SNX25: variants seen among roughly 807,000 people sequenced by gnomAD.
SNX25 encodes the protein sorting nexin-25.
SNX25 carries 62 observed loss-of-function variants against 113.7 expected under a neutral mutation model. That is an observed-to-expected ratio of 0.55 (90% CI 0.44 to 0.67). SNX25 has a LOEUF of 0.67. Among genes scored for constraint, SNX25 ranks in the 30% least tolerant of loss-of-function variants. The probability of loss-of-function intolerance (pLI) is 0.00; values close to 1 mark genes in which losing one functional copy is unlikely to be tolerated. For synonymous variants in SNX25, 421 were observed against 436.2 expected (o/e 0.97, Z 0.43); for missense variants, 1,014 against 1,161.0 (o/e 0.87, Z 1.84).
intron 13 of SNX25, among the ~76,000 whole-genome samples, chr4:185,350,147 A>AC (rs2095308105): frequency 6.6e-6 from 1 of 151,878 alleles, no homozygotes; most frequent in Non-Finnish European, 1.5e-5. Flanking sequence ...TGTTCCGTGG[A>AC]CCCCTTGTCC....
At chr4:185,275,117 A>G (rs1175648934) in intron 5 of SNX25, among the ~76,000 whole-genome samples, 4 of 152,234 alleles carry the variant, frequency 2.6e-5, no homozygotes, top group Admixed American at 1.3e-4. Context: ...ATAGACTGCC[A>G]GAGAGGCAGG....
At chr4:185,263,534 C>T (rs757281856) in intron 3 of SNX25, among the ~76,000 whole-genome samples, 3 of 152,068 alleles carry the variant, frequency 2.0e-5, no homozygotes, top group Non-Finnish European at 2.9e-5. Context: ...TCTTTTCTAG[C>T]GTTATACACT....
Position 185,209,783 on chromosome 4 carries a change from G to C in SNX25, c.-44G>C, listed in dbSNP as rs1313316202. Reference sequence around the variant, plus strand: ...GCCTCCGGAGCGCCGGCGGGGGACCGGGGGGCAGGAGATGTGCCTGTCCTT... The same window carrying C: ...GCCTCCGGAGCGCCGGCGGGGGACCCGGGGGCAGGAGATGTGCCTGTCCTT... On this transcript the variant is annotated 5_prime_UTR_variant, in exon 1 of 19. Coordinates refer to ENST00000652585, the MANE Select transcript of SNX25 (RefSeq NM_001378034.2). This position sits in a 1 kb window ranked among gnomAD's most constrained non-coding sequence, Gnocchi z 5.2. 3 of 983,776 alleles carry C rather than the reference G, an allele frequency of 3.0e-6. No individual in the cohort carries two copies. Among genetic ancestry groups the C allele is most frequent in the African/African-American group, 1.8e-5 (1 of 57,132 alleles). 60.9% of individuals were successfully genotyped at this position (983,776 alleles called of 1,614,324 possible).
In SNX25 at chr4:185,264,523, C is replaced by T. The variant is rs140041413; in HGVS notation, c.817C>T (p.Arg273Trp). The T allele has an allele frequency of 8.6e-5, 138 of 1,614,024 alleles. No homozygotes were observed. Among genetic ancestry groups the T allele is most frequent in the Non-Finnish European group, 1.0e-4 (120 of 1,179,940 alleles). ...AGTAAGATTTCTACAAACGTGTTCTCGGGTTCTGGTGTTTTGTCTCCTCCC... is the reference window on the plus strand; with the variant it reads ...AGTAAGATTTCTACAAACGTGTTCTTGGGTTCTGGTGTTTTGTCTCCTCCC... ...DEVRFLQTCS[R>W]VLVFCLLPSK... Residue 273 changes from arginine (R) to tryptophan (W), a missense_variant, in exon 4 of 19, where the codon CGG (arginine) becomes TGG (tryptophan). By Grantham distance (101) the Arg-to-Trp change is moderately radical. Coordinates refer to ENST00000652585, the MANE Select transcript of SNX25 (RefSeq NM_001378034.2).
chr4:185,292,970 A>G (rs1430743442), intron 6 of SNX25, among the ~76,000 whole-genome samples: 1 of 152,232 alleles, frequency 6.6e-6, no homozygotes, highest in Non-Finnish European at 1.5e-5. Flanking sequence ...CAAGAAAATG[A>G]AAAGACAACT....
intron 2 of SNX25, among the ~76,000 whole-genome samples, chr4:185,254,482 G>A (rs192510393): frequency 3.9e-5 from 6 of 152,244 alleles, no homozygotes; most frequent in African/African-American, 9.6e-5. Flanking sequence ...TTTCTAAATC[G>A]CTCAGGGGAA....
upstream of SNX25, chr4:185,207,861 A>T (rs1465093710): frequency 1.3e-5 from 2 of 152,244 alleles, no homozygotes; most frequent in Non-Finnish European, 2.9e-5. Flanking sequence ...GCTGTTAGTT[A>T]CTATTATGGT....
At position 185,210,237 on chromosome 4, in the gene SNX25, C is replaced by T. The variant is rs1737519076; in HGVS notation, c.411C>T (p.Ala137=). The T allele has an allele frequency of 5.0e-5, 49 of 984,922 alleles. No individual in the cohort carries two copies. In the South Asian group the frequency reaches 1.9e-3, roughly 39 times the overall value. 61.0% of individuals were successfully genotyped at this position (984,922 alleles called of 1,614,324 possible). The part of the protein sequence containing the change: ...AAWSRLAATS[A]ARRPPGSPVY... ...GGAGCCGGCTGGCCGCGACCTCAGC[C>T]GCCCGCCGCCCGCCGGGGGTAAGTA... The change falls in exon 1 of 19, where the codon GCC becomes GCT. Residue 137 remains alanine, a synonymous_variant. Coordinates refer to ENST00000652585, the MANE Select transcript of SNX25 (RefSeq NM_001378034.2). This position sits in a 1 kb window ranked among gnomAD's most constrained non-coding sequence, Gnocchi z 4.4.
chr4:185,293,702 CAA>C (rs995210675), intron 6 of SNX25, among the ~76,000 whole-genome samples: 1 of 151,832 alleles, frequency 6.6e-6, no homozygotes, highest in Non-Finnish European at 1.5e-5. Flanking sequence ...AAATTTTTGA[CAA>C]AAGGTGATTT....
the SNX25 span, chr4:185,375,487 A>AAAAAATATGTAT: frequency 1.7e-4 from 2 of 12,010 alleles, no homozygotes; most frequent in Non-Finnish European, 2.9e-4. Flanking sequence ...AAAAAAAAAA[A>AAAAAATATGTAT]ATATATATAT....
chr4:185,346,845 C>G (rs568741013), intron 13 of SNX25, among the ~76,000 whole-genome samples, 195 bp downstream of exon 13: 1 of 152,094 alleles, frequency 6.6e-6, no homozygotes, highest in Non-Finnish European at 1.5e-5. Flanking sequence ...TAACTGTCTC[C>G]GTTTCACAAA....
intron 6 of SNX25, among the ~76,000 whole-genome samples, chr4:185,293,972 G>A (rs1752520090): frequency 6.6e-6 from 1 of 152,156 alleles, no homozygotes; most frequent in South Asian, 2.1e-4. Flanking sequence ...TAGGAATAAG[G>A]TATTGCAATC....
chr4:185,333,930 C>A (rs554308417), intron 10 of SNX25, among the ~76,000 whole-genome samples: 14 of 151,418 alleles, frequency 9.2e-5, no homozygotes, highest in Non-Finnish European at 1.8e-4. Flanking sequence ...TGCTGGTAGT[C>A]CCCAGCTACT....
chr4:185,243,855 A>C (rs544837360), intron 1 of SNX25, among the ~76,000 whole-genome samples: 11 of 152,202 alleles, frequency 7.2e-5, no homozygotes, highest in Non-Finnish European at 1.6e-4. Context: ...AATAAGAATA[A>C]AAAATTAAAA....
upstream of SNX25, among the ~76,000 whole-genome samples, chr4:185,206,942 C>T (rs1386409459): frequency 3.9e-5 from 6 of 152,144 alleles, no homozygotes; most frequent in African/African-American, 1.4e-4. Flanking sequence ...GCTAGTGTAA[C>T]CTGGAGTCTC....
chr4:185,300,024 G>A (rs1269179726), intron 6 of SNX25, among the ~76,000 whole-genome samples: 2 of 152,156 alleles, frequency 1.3e-5, no homozygotes. Flanking sequence ...TGTAATTAGA[G>A]TTTTTAAAGT....
At chr4:185,377,029 AAAGGT>A in the SNX25 span, 1 of 1,556,246 alleles carries the variant, frequency 6.4e-7, no homozygotes, top group Admixed American at 1.7e-5. Flanking sequence ...CTGATTTTAA[AAAGGT>A]AAGGAATTCC....
At chr4:185,281,977 T>C (rs930626166) in intron 5 of SNX25, among the ~76,000 whole-genome samples, 3 of 151,746 alleles carry the variant, frequency 2.0e-5, no homozygotes, top group African/African-American at 7.3e-5. Context: ...GATTGCACCA[T>C]TGCACTCCAG....
At chr4:185,237,837 C>T (rs1422636151) in intron 1 of SNX25, among the ~76,000 whole-genome samples, 4 of 151,322 alleles carry the variant, frequency 2.6e-5, no homozygotes, top group African/African-American at 7.3e-5. Flanking sequence ...CCGAGGTGGG[C>T]GGATCACCTG....
Sources: gnomAD v4.1 joint callset for allele counts (sites outside exome capture counted in the v4.1 genomes callset) on GRCh38, gnomAD v4.1.1 for gene constraint, Gnocchi (gnomAD v3.1) non-coding constraint, MANE v1.5 for transcripts, NCBI Gene and HGNC (gene_info 2026-07-23, HGNC 2026-07-21) for gene names.